The following CSMD1 variants were observed in gnomAD, a reference collection of about 807,000 sequenced individuals.
CSMD1 encodes the protein CUB and Sushi multiple domains 1.
Under a neutral mutation model 417.5 loss-of-function variants are expected in CSMD1, and 213 were observed. The observed-to-expected ratio is 0.51, with a 90% CI of 0.46 to 0.57. CSMD1 has a LOEUF of 0.57. Among genes scored for constraint, CSMD1 ranks in the 20% least tolerant of loss-of-function variants. The probability of loss-of-function intolerance (pLI) is 0.00; values close to 1 mark genes in which losing one functional copy is unlikely to be tolerated. For synonymous variants in CSMD1, 2,862 were observed against 1,736.8 expected (o/e 1.65, Z -16.11); for missense variants, 6,923 against 4,529.7 (o/e 1.53, Z -15.17).
rs958788887 is a variant in CSMD1, at chr8:3,300,667, T to G, written c.3950+7028A>C. The stretch of plus-strand genomic sequence containing the variant: ...ACATCATTATGTACAACATGAAAAA[T>G]TAGAAATGGCCAGGCCTGGTGGCTC... On this transcript the variant is annotated intron_variant, in intron 25 of 69. Transcript: ENST00000635120. Among the ~76,000 whole-genome samples, 3 of 151,738 alleles carry G rather than the reference T, an allele frequency of 2.0e-5. No homozygotes were observed. In the South Asian group the frequency reaches 6.2e-4, roughly 32 times the overall value.
intron 2 of CSMD1, among the ~76,000 whole-genome samples, chr8:4,432,488 G>A (rs914299883): frequency 3.3e-5 from 5 of 152,082 alleles, no homozygotes; most frequent in African/African-American, 9.7e-5. Flanking sequence ...CCCTCCTTGG[G>A]GTGTCTACTA....
At chr8:2,999,005 T>C (rs1306072925) in intron 53 of CSMD1, among the ~76,000 whole-genome samples, 6 of 152,242 alleles carry the variant, frequency 3.9e-5, no homozygotes, top group African/African-American at 1.4e-4. Flanking sequence ...ACAATATTTC[T>C]AAAAACAATT....
chr8:4,154,551 C>T (rs1311632074), intron 3 of CSMD1, among the ~76,000 whole-genome samples: 2 of 152,140 alleles, frequency 1.3e-5, no homozygotes, highest in Non-Finnish European at 2.9e-5. Flanking sequence ...GGACACTATG[C>T]TTCTAACGCC....
intron 3 of CSMD1, among the ~76,000 whole-genome samples, chr8:4,053,047 A>C (rs1188789088): frequency 6.6e-6 from 1 of 152,172 alleles, no homozygotes; most frequent in Non-Finnish European, 1.5e-5. Context: ...CTCTAACCAG[A>C]GGAGTCCTTG....
intron 3 of CSMD1, among the ~76,000 whole-genome samples, chr8:4,341,221 C>G (rs1196001685): frequency 6.6e-6 from 1 of 152,042 alleles, no homozygotes; most frequent in Non-Finnish European, 1.5e-5. Context: ...TTCCATGGTA[C>G]TAGCAATTAC....
intron 1 of CSMD1, among the ~76,000 whole-genome samples, chr8:4,828,309 C>A (rs1413841304): frequency 6.6e-6 from 1 of 152,152 alleles, no homozygotes; most frequent in Non-Finnish European, 1.5e-5. Context: ...AACAAATGTG[C>A]TGACTTTTCT....
chr8:3,814,923 T>C (rs1237833207), intron 5 of CSMD1, among the ~76,000 whole-genome samples: 1 of 152,194 alleles, frequency 6.6e-6, no homozygotes, highest in African/African-American at 2.4e-5. Context: ...ACCGACACTC[T>C]CATTACTTCT....
At chr8:3,679,992 A>C (rs1799569065) in intron 7 of CSMD1, among the ~76,000 whole-genome samples, 2 of 152,208 alleles carry the variant, frequency 1.3e-5, no homozygotes, top group African/African-American at 4.8e-5. Flanking sequence ...ACCAACGAGA[A>C]CAAAGACACA....
chr8:3,705,089 C>G (rs1053122915), intron 7 of CSMD1, among the ~76,000 whole-genome samples: 8 of 152,338 alleles, frequency 5.3e-5, no homozygotes, highest in Admixed American at 3.9e-4. Context: ...AGAAGCCAGT[C>G]AGGCAAGGCT....
Position 4,105,368 on chromosome 8 carries a change from C to T in CSMD1, c.416-73269G>A, listed in dbSNP as rs74988825. On this transcript the variant is annotated intron_variant, in intron 3 of 69. Coordinates refer to ENST00000635120, the MANE Select transcript of CSMD1 (RefSeq NM_033225.6). ...TTTTTATGTTTATATGTGCTTTAGA[C>T]ATGTAACTATGAATAAGAAGGTGTT... Among the ~76,000 whole-genome samples, 634 of 151,870 alleles carry T rather than the reference C, an allele frequency of 4.2e-3. 2 individuals are homozygous for T. The highest frequency in any genetic ancestry group is 0.015 in the South Asian group (71 of 4,804).
At chr8:4,204,832 A>C (rs757658156) in intron 3 of CSMD1, among the ~76,000 whole-genome samples, 1 of 151,080 alleles carries the variant, frequency 6.6e-6, no homozygotes, top group Non-Finnish European at 1.5e-5. Flanking sequence ...CTTTTATTTA[A>C]TTTTTTTTTA....
At chr8:4,230,189 A>G (rs1454119818) in intron 3 of CSMD1, among the ~76,000 whole-genome samples, 1 of 152,196 alleles carries the variant, frequency 6.6e-6, no homozygotes. Flanking sequence ...GAGCCAAATT[A>G]TCTTAAGATC....
intron 5 of CSMD1, among the ~76,000 whole-genome samples, chr8:3,871,429 A>G (rs1239741979): frequency 2.6e-5 from 4 of 152,234 alleles, no homozygotes; most frequent in Non-Finnish European, 5.9e-5. Flanking sequence ...TTTAACATGC[A>G]TCATTTAATT....
intron 1 of CSMD1, among the ~76,000 whole-genome samples, chr8:4,862,517 T>A (rs1802197886): frequency 6.6e-6 from 1 of 151,976 alleles, no homozygotes; most frequent in African/African-American, 2.4e-5. Context: ...TCATCGTGGT[T>A]TGGACGAAGA....
In CSMD1 at chr8:3,223,793, C is replaced by G; in HGVS notation, c.4420G>C (p.Gly1474Arg). Residue 1474 changes from glycine to arginine, a missense_variant, in exon 28 of 70, where the codon GGG becomes CGG. By Grantham distance (125) the Gly-to-Arg change is moderately radical. Coordinates refer to ENST00000635120, the MANE Select transcript of CSMD1 (RefSeq NM_033225.6). ...SPNYPQPYPP[G>R]KECDWRVKVN... ...TTTACTCTCCAGTCACATTCCTTCCCAGGAGGATACGGCTGTGGGTAGTTG... is the reference window on the plus strand; with the variant it reads ...TTTACTCTCCAGTCACATTCCTTCCGAGGAGGATACGGCTGTGGGTAGTTG... 2 of 1,613,908 alleles carry G rather than the reference C, an allele frequency of 1.2e-6. No individual in the cohort carries two copies. Among genetic ancestry groups the G allele is most frequent in the Non-Finnish European group, 1.7e-6 (2 of 1,179,848 alleles).
At chr8:4,300,863 C>G (rs907770769) in intron 3 of CSMD1, among the ~76,000 whole-genome samples, 3 of 152,262 alleles carry the variant, frequency 2.0e-5, no homozygotes, top group African/African-American at 7.2e-5. Context: ...AGGACATGAA[C>G]TCATCATTTT....
Position 4,525,932 on chromosome 8 carries a change from G to C in CSMD1, c.303-105867C>G, listed in dbSNP as rs567771096. 2.0e-5 allele frequency among the ~76,000 whole-genome samples: 3 copies of C among 152,202 alleles called. No individual in the cohort carries two copies. The South Asian group carries it at 6.2e-4, about 32-fold the overall frequency. On this transcript the variant is annotated intron_variant, in intron 2 of 69. Coordinates refer to ENST00000635120, the MANE Select transcript of CSMD1 (RefSeq NM_033225.6). ...GCCTTAGTAACCACCTGAGACCAGG[G>C]GCAGAATATCCATGATAGATCTGGG...
At chr8:4,841,651 C>G (rs537208176) in intron 1 of CSMD1, among the ~76,000 whole-genome samples, 1 of 152,030 alleles carries the variant, frequency 6.6e-6, no homozygotes, top group Non-Finnish European at 1.5e-5. Flanking sequence ...TGGCTCACGC[C>G]TGTAATCCCA....
chr8:4,852,821 A>G (rs767088122), intron 1 of CSMD1, among the ~76,000 whole-genome samples: 1 of 152,148 alleles, frequency 6.6e-6, no homozygotes, highest in Non-Finnish European at 1.5e-5. Flanking sequence ...CTTACTGGGA[A>G]CTGGAGTGAA....
Sources: gnomAD v4.1 joint callset for allele counts (sites outside exome capture counted in the v4.1 genomes callset) on GRCh38, gnomAD v4.1.1 for gene constraint, MANE v1.5 for transcripts, NCBI Gene and HGNC (gene_info 2026-07-23, HGNC 2026-07-21) for gene names.